ITGB4: variants seen among roughly 807,000 people sequenced by gnomAD.
ITGB4 encodes the protein integrin subunit beta 4.
ITGB4 carries 159 observed loss-of-function variants against 207.6 expected under a neutral mutation model. The ratio of observed to expected loss-of-function variants is 0.77; its 90% confidence interval spans 0.67 to 0.87. The LOEUF (loss-of-function observed/expected upper bound fraction) is 0.87, where lower values mean the gene tolerates loss of function less well. Among genes scored for constraint, ITGB4 ranks in the 40% least tolerant of loss-of-function variants. The pLI, the probability that ITGB4 is intolerant of heterozygous loss-of-function variation, is 0.00. For synonymous variants in ITGB4, 1,020 were observed against 1,062.7 expected (o/e 0.96, Z 0.78); for missense variants, 2,278 against 2,546.8 (o/e 0.89, Z 2.27).
At chr17:75,728,129 TCTG>T (rs1433728880) in intron 5 of ITGB4, among the ~76,000 whole-genome samples, 1 of 152,318 alleles carries the variant, frequency 6.6e-6, no homozygotes, top group Non-Finnish European at 1.5e-5. Context: ...TGGGGAAGCT[TCTG>T]CTCCTCAGAG....
In ITGB4 at chr17:75,727,734, G is replaced by A; in HGVS notation, c.348G>A (p.Arg116=). ...LRVRLRPGEE[R]HFELEVFEPL... The stretch of plus-strand genomic sequence containing the variant: ...TCCGTCTGCGGCCCGGTGAGGAGCG[G>A]CATTTTGAGCTGGAGGTGTTTGAGC... Residue 116 remains arginine (R), a synonymous_variant, in exon 5 of 40, where the codon CGG becomes CGA. Coordinates refer to ENST00000200181, the MANE Select transcript of ITGB4 (RefSeq NM_000213.5). The surrounding 1 kb of genome is among the most constrained non-coding windows in gnomAD (Gnocchi z 6.0). 6.2e-7 allele frequency: 1 copy of A among 1,613,904 alleles called. No homozygotes were observed. Among genetic ancestry groups the A allele is most frequent in the Middle Eastern group, 1.7e-4 (1 of 5,922 alleles).
Position 75,729,413 on chromosome 17 carries a change from A to G in ITGB4, c.715A>G (p.Ile239Val). The part of the protein sequence containing the change: ...LDAPEGGFDA[I>V]LQTAVCTRDI... Reference sequence around the variant, plus strand: ...TGCTCCTGAGGGCGGCTTCGATGCCATCCTGCAGACAGCTGTGTGCACGGT... The same window carrying G: ...TGCTCCTGAGGGCGGCTTCGATGCCGTCCTGCAGACAGCTGTGTGCACGGT... The change falls in exon 7 of 40, where the codon ATC becomes GTC. Residue 239 changes from isoleucine (I) to valine (V), a missense_variant. Transcript: ENST00000200181. This position sits in a 1 kb window ranked among gnomAD's most constrained non-coding sequence, Gnocchi z 4.4. The G allele has an allele frequency of 6.2e-7, 1 of 1,614,152 alleles. No individual in the cohort carries two copies. Among genetic ancestry groups the G allele is most frequent in the Middle Eastern group, 1.6e-4 (1 of 6,062 alleles).
At position 75,728,577 on chromosome 17, in the gene ITGB4, G is replaced by A. The variant is rs574219034; in HGVS notation, c.566+104G>A. The A allele has an allele frequency of 2.5e-5, 23 of 919,094 alleles. No homozygotes were observed. In the Admixed American group the frequency reaches 3.2e-4, roughly 13 times the overall value. The allele number at this position is 919,094 out of a possible 1,614,324, so 56.9% of individuals were successfully genotyped here. A position where few individuals can be genotyped will look rare whatever the true frequency, so the allele number is the denominator to read the frequency against. ...AAATTATCCTTCTACGGCTGGGCAC[G>A]GTGGCTCATGCCTGTAATCCCAGCA... On this transcript the variant is annotated intron_variant, in intron 6 of 39. Coordinates refer to ENST00000200181, the MANE Select transcript of ITGB4 (RefSeq NM_000213.5).
In ITGB4 at chr17:75,722,820, G is replaced by A. The variant is rs984593187; in HGVS notation, c.-11+1208G>A. Among the ~76,000 whole-genome samples, 3 of 150,394 alleles carry A rather than the reference G, an allele frequency of 2.0e-5. No homozygotes were observed. The highest frequency in any genetic ancestry group is 7.3e-5 in the African/African-American group (3 of 40,824). ...CTGTGGGGGGGAAACTGCCTGTGCT[G>A]CAGTGTGATGGCATTCAGGGTGGCA... is the stretch of plus-strand genomic sequence containing the variant. On this transcript the variant is annotated intron_variant, in intron 1 of 39. Transcript: ENST00000200181. The surrounding 1 kb of genome is among the most constrained non-coding windows in gnomAD (Gnocchi z 6.2).
chr17:75,752,115 G>A lies in ITGB4; in HGVS notation c.3794-59G>A, dbSNP rs1290769447. 3 of 1,556,102 alleles carry A rather than the reference G, an allele frequency of 1.9e-6. No homozygotes were observed. The African/African-American group carries it at 4.1e-5, about 21-fold the overall frequency. ...GCACGGCCGTCCTGCTGTGTCAGGG[G>A]TGGTGTTGGGACCAGGCTGGGACCT... On this transcript the variant is annotated intron_variant, in intron 30 of 39. Coordinates refer to ENST00000200181, the MANE Select transcript of ITGB4 (RefSeq NM_000213.5).
chr17:75,755,704 C>G lies in ITGB4; in HGVS notation c.4562C>G (p.Ser1521Cys), dbSNP rs1305333611. The G allele has an allele frequency of 1.9e-6, 3 of 1,612,862 alleles. No homozygotes were observed. The highest frequency in any genetic ancestry group is 2.5e-6 in the Non-Finnish European group (3 of 1,179,958). The change falls in exon 35 of 40, where the codon TCT (serine) becomes TGT (cysteine). Residue 1521 changes from serine (S) to cysteine (C), a missense_variant. By Grantham distance (112) the Ser-to-Cys change is moderately radical. Coordinates refer to ENST00000200181, the MANE Select transcript of ITGB4 (RefSeq NM_000213.5). ...STLTSVSSHD[S>C]RLTAGVPDTP... is the part of the protein sequence containing the mutation. ...GACTGCGGCCTCCTGTCCCCAGACT[C>G]TCGCCTGACTGCTGGTGTGCCCGAC...
chr17:75,724,611 C>T, intron 1 of ITGB4, 83 bp from the exon 2 acceptor site: 6 of 1,068,602 alleles, frequency 5.6e-6, no homozygotes, highest in South Asian at 5.0e-5. Context: ...AGCCTCAGTT[C>T]CCACAGCTGT....
Position 75,740,649 on chromosome 17 carries a change from C to G in ITGB4, c.2551-144C>G. On this transcript the variant is annotated intron_variant, in intron 21 of 39. Transcript: ENST00000200181. This position sits in a 1 kb window ranked among gnomAD's most constrained non-coding sequence, Gnocchi z 5.9. ...GAGGGCAGAAGGCCAGAGCCTGGGC[C>G]CAGGATGCTGCCCCACGGGGCATGC... 9.5e-7 allele frequency: 1 copy of G among 1,051,652 alleles called. No homozygotes were observed. The highest frequency in any genetic ancestry group is 1.5e-6 in the Non-Finnish European group (1 of 687,210). 65.1% of individuals were successfully genotyped at this position (1,051,652 alleles called of 1,614,324 possible).
rs577185166 is a variant in ITGB4, at chr17:75,726,989, C to T, written c.80-206C>T. 4.6e-5 allele frequency among the ~76,000 whole-genome samples: 7 copies of T among 152,076 alleles called. No homozygotes were observed. In the East Asian group the frequency reaches 1.4e-3, roughly 30 times the overall value. Reference sequence around the variant, plus strand: ...TCCAGAGGCTGAGGTGGGAGAATGGCGTGAACACGGGTGGTGGAGCTTGCA... The same window carrying T: ...TCCAGAGGCTGAGGTGGGAGAATGGTGTGAACACGGGTGGTGGAGCTTGCA... On this transcript the variant is annotated intron_variant, in intron 2 of 39. Transcript: ENST00000200181.
In ITGB4 at chr17:75,729,252, C is replaced by G; in HGVS notation, c.567-13C>G. 6.2e-7 allele frequency: 1 copy of G among 1,613,444 alleles called. No homozygotes were observed. Among genetic ancestry groups the G allele is most frequent in the Non-Finnish European group, 8.5e-7 (1 of 1,179,478 alleles). On this transcript the variant is annotated splice_polypyrimidine_tract_variant and intron_variant, in intron 6 of 39. Transcript: ENST00000200181. The surrounding 1 kb of genome is among the most constrained non-coding windows in gnomAD (Gnocchi z 4.4). Reference sequence around the variant, plus strand: ...CCCCTGTGACACTCTCTCTCCCTCCCACCTCTGCCCAGGCTGAAGGAGCCC... The same window carrying G: ...CCCCTGTGACACTCTCTCTCCCTCCGACCTCTGCCCAGGCTGAAGGAGCCC...
chr17:75,756,744 G>T lies in ITGB4; in HGVS notation c.4938G>T (p.Pro1646=), dbSNP rs754607950. 3 of 1,612,926 alleles carry T rather than the reference G, an allele frequency of 1.9e-6. No individual in the cohort carries two copies. The highest frequency in any genetic ancestry group is 1.7e-6 in the Non-Finnish European group (2 of 1,180,008). Residue 1646 remains proline (P), a synonymous_variant, in exon 37 of 40, where the codon CCG becomes CCT. Coordinates refer to ENST00000200181, the MANE Select transcript of ITGB4 (RefSeq NM_000213.5). ...FTLSTPSAPG[P]LVFTALSPDS... Reference sequence around the variant, plus strand: ...TGAGCACTCCCAGTGCCCCAGGCCCGCTGGTGTTCACTGCCCTGAGCCCAG... The same window carrying T: ...TGAGCACTCCCAGTGCCCCAGGCCCTCTGGTGTTCACTGCCCTGAGCCCAG...
In ITGB4 at chr17:75,733,651, A is replaced by G. The variant is rs1198907208; in HGVS notation, c.1616A>G (p.Asp539Gly). The G allele has an allele frequency of 1.2e-6, 2 of 1,614,064 alleles. No individual in the cohort carries two copies. The highest frequency in any genetic ancestry group is 1.7e-6 in the Non-Finnish European group (2 of 1,180,044). The change falls in exon 13 of 40, where the codon GAC (aspartate) becomes GGC (glycine). Residue 539 changes from aspartate (D) to glycine (G), a missense_variant. Coordinates refer to ENST00000200181, the MANE Select transcript of ITGB4 (RefSeq NM_000213.5). ...GRYEGQFCEY[D>G]NFQCPRTSGF... ...TACGAGGGTCAGTTCTGCGAGTATG[A>G]CAACTTCCAGTGTCCCCGCACTTCC...
At position 75,757,476 on chromosome 17, in the gene ITGB4, C is replaced by A. The variant is rs2061546510; in HGVS notation, c.5390C>A (p.Thr1797Asn). 5.0e-6 allele frequency: 8 copies of A among 1,612,914 alleles called. No individual in the cohort carries two copies. Among genetic ancestry groups the A allele is most frequent in the Non-Finnish European group, 6.8e-6 (8 of 1,180,008 alleles). ...GGCGGCTCCCTCACCCGGCATGTGACCCAGGAGTTTGTGAGCCGGACACTG... is the reference window on the plus strand; with the variant it reads ...GGCGGCTCCCTCACCCGGCATGTGAACCAGGAGTTTGTGAGCCGGACACTG... ...EAGGSLTRHV[T>N]QEFVSRTLTT... The change falls in exon 40 of 40, where the codon ACC becomes AAC. Residue 1797 changes from threonine to asparagine, a missense_variant. Physicochemically the swap from Thr to Asn is moderately conservative, Grantham distance 65 (BLOSUM62 0). Transcript: ENST00000200181.
intron 26 of ITGB4, 127 bp downstream of exon 26, chr17:75,743,988 G>C: frequency 9.1e-7 from 1 of 1,097,996 alleles, no homozygotes. Flanking sequence ...CCCCTGGCTG[G>C]CCTCCCAAGG....
At chr17:75,755,086 C>T in intron 34 of ITGB4, 2 of 1,601,254 alleles carry the variant, frequency 1.2e-6, no homozygotes, top group Non-Finnish European at 1.7e-6. Flanking sequence ...ACGGGAGGAG[C>T]AGGCTTCCGC....
At position 75,731,937 on chromosome 17, in the gene ITGB4, C is replaced by G; in HGVS notation, c.1341C>G (p.Asp447Glu). 6.2e-7 allele frequency: 1 copy of G among 1,614,074 alleles called. No individual in the cohort carries two copies. Among genetic ancestry groups the G allele is most frequent in the Non-Finnish European group, 8.5e-7 (1 of 1,180,026 alleles). The change falls in exon 11 of 40, where the codon GAC becomes GAG. Residue 447 changes from aspartate (D) to glutamate (E), a missense_variant. Transcript: ENST00000200181. This position sits in a 1 kb window ranked among gnomAD's most constrained non-coding sequence, Gnocchi z 6.8. The part of the protein sequence containing the change: ...KPSFSDGLKM[D>E]AGIICDVCTC... ...CCTTCTCCGACGGCCTCAAGATGGA[C>G]GCGGGCATCATCTGTGATGTGTGCA...
intron 13 of ITGB4, among the ~76,000 whole-genome samples, chr17:75,734,064 T>C (rs2060921550): frequency 6.6e-6 from 1 of 151,982 alleles, no homozygotes; most frequent in African/African-American, 2.4e-5. Context: ...GTATATGGCA[T>C]TATGATCTTT....
In ITGB4 at chr17:75,749,060, G is replaced by T. The variant is rs772579736; in HGVS notation, c.3316+15G>T. Reference sequence around the variant, plus strand: ...CAGGGACCCAGGTAGGCAGAGCCTGGGGGTCGGCTTAAGCAGGAGGAGAGG... The same window carrying T: ...CAGGGACCCAGGTAGGCAGAGCCTGTGGGTCGGCTTAAGCAGGAGGAGAGG... On this transcript the variant is annotated intron_variant, in intron 27 of 39. Coordinates refer to ENST00000200181, the MANE Select transcript of ITGB4 (RefSeq NM_000213.5). 6.2e-7 allele frequency: 1 copy of T among 1,604,202 alleles called. No homozygotes were observed. Among genetic ancestry groups the T allele is most frequent in the Admixed American group, 1.7e-5 (1 of 59,756 alleles).
rs751450472 is a variant in ITGB4 at position 75,737,581 on chromosome 17, C to T, written c.2157C>T (p.Leu719=). The change falls in exon 18 of 40, where the codon CTC becomes CTT. Residue 719 remains leucine, a synonymous_variant. Transcript: ENST00000200181. ...TCTGGTGGCTCATCCCCCTGCTCCT[C>T]CTCCTCCTGCCGCTCCTGGCCCTGC... is the stretch of plus-strand genomic sequence containing the variant. ...GSFWWLIPLL[L]LLLPLLALLL... is the part of the protein sequence containing the mutation. The T allele has an allele frequency of 1.9e-6, 3 of 1,606,990 alleles. No individual in the cohort carries two copies. The African/African-American group carries it at 4.0e-5, about 22-fold the overall frequency.
Sources: allele counts gnomAD v4.1 joint callset (sites outside exome capture counted in the v4.1 genomes callset), GRCh38; gene constraint gnomAD v4.1.1; non-coding constraint Gnocchi (gnomAD v3.1); transcripts MANE v1.5; gene names NCBI Gene and HGNC (gene_info 2026-07-23, HGNC 2026-07-21).